KCNJ5: variants seen among roughly 807,000 people sequenced by gnomAD.
KCNJ5 encodes G protein-activated inward rectifier potassium channel 4.
Under a neutral mutation model 20.2 loss-of-function variants are expected in KCNJ5, and 12 were observed. The observed-to-expected ratio is 0.59, with a 90% CI of 0.38 to 0.96. The LOEUF (loss-of-function observed/expected upper bound fraction) is 0.96, where lower values mean the gene tolerates loss of function less well. Ranked by LOEUF, KCNJ5 falls within the 40% of genes least tolerant of loss-of-function variation. KCNJ5 has a pLI of 0.00. For synonymous variants in KCNJ5, 210 were observed against 213.9 expected (o/e 0.98, Z 0.16); for missense variants, 449 against 557.6 (o/e 0.81, Z 1.96).
At chr11:128,902,205 A>G (rs937537507) in intron 1 of KCNJ5, 9 of 334,278 alleles carry the variant, frequency 2.7e-5, no homozygotes, top group African/African-American at 1.7e-4. Flanking sequence ...ACACCTCTGC[A>G]GTCCCTTCCA....
chr11:128,906,200 T>C (rs1565548818), intron 1 of KCNJ5, among the ~76,000 whole-genome samples: 1 of 152,160 alleles, frequency 6.6e-6, no homozygotes, highest in Non-Finnish European at 1.5e-5. Context: ...GTTATCCCCA[T>C]TTTGCAAATA....
chr11:128,916,664 C>A lies in KCNJ5; in HGVS notation c.1193C>A (p.Ala398Asp). The A allele has an allele frequency of 6.2e-7, 1 of 1,612,618 alleles. No homozygotes were observed. Among genetic ancestry groups the A allele is most frequent in the Non-Finnish European group, 8.5e-7 (1 of 1,179,458 alleles). The change falls in exon 3 of 3, where the codon GCT becomes GAT. Residue 398 changes from alanine (A) to aspartate (D), a missense_variant. Ala to Asp is a moderately radical substitution (Grantham distance 126, BLOSUM62 -2). Coordinates refer to ENST00000529694, the MANE Select transcript of KCNJ5 (RefSeq NM_000890.5). The part of the protein sequence containing the change: ...GCAEAGLDAE[A>D]EQNEEDEPKG... ...GCTGAGGCAGGGCTGGATGCAGAGG[C>A]TGAGCAGAATGAAGAAGATGAGCCC...
At chr11:128,914,073 A>G (rs965090127) in intron 2 of KCNJ5, among the ~76,000 whole-genome samples, 2 of 152,312 alleles carry the variant, frequency 1.3e-5, no homozygotes, top group South Asian at 2.1e-4. Flanking sequence ...GGGGCCGAGG[A>G]CAGTCAGGAC....
At chr11:128,905,209 G>A (rs553168934) in intron 1 of KCNJ5, among the ~76,000 whole-genome samples, 2 of 152,140 alleles carry the variant, frequency 1.3e-5, no homozygotes, top group East Asian at 1.9e-4. Context: ...CCCCACGCCC[G>A]TTCCCTGGGG....
chr11:128,891,669 G>C lies in KCNJ5; in HGVS notation c.-63G>C, dbSNP rs557063967. ...CTGAGCCCCCCTGCACCGCCGCTAAGGGACACCCCAGAAGTTAGCATCAGT... is the reference window on the plus strand; with the variant it reads ...CTGAGCCCCCCTGCACCGCCGCTAACGGACACCCCAGAAGTTAGCATCAGT... On this transcript the variant is annotated 5_prime_UTR_variant, in exon 1 of 3. Coordinates refer to ENST00000529694, the MANE Select transcript of KCNJ5 (RefSeq NM_000890.5). 60 of 152,408 alleles carry C rather than the reference G, an allele frequency of 3.9e-4. No individual in the cohort carries two copies. Among genetic ancestry groups the C allele is most frequent in the African/African-American group, 1.3e-3 (53 of 41,544 alleles). 9.4% of individuals were successfully genotyped at this position (152,408 alleles called of 1,614,324 possible). A position where few individuals can be genotyped will look rare whatever the true frequency, so the allele number is the denominator to read the frequency against.
At chr11:128,914,932 G>T (rs1944555379) in intron 2 of KCNJ5, among the ~76,000 whole-genome samples, 1 of 152,224 alleles carries the variant, frequency 6.6e-6, no homozygotes, top group Non-Finnish European at 1.5e-5. Context: ...CTCTGCCAAG[G>T]CTGTGGGGAC....
At chr11:128,894,430 T>G (rs1000059984) in intron 1 of KCNJ5, among the ~76,000 whole-genome samples, 1 of 152,198 alleles carries the variant, frequency 6.6e-6, no homozygotes, top group African/African-American at 2.4e-5. Flanking sequence ...GGGCCATTTT[T>G]GGATGAAAAT....
In KCNJ5 at chr11:128,904,387, T is replaced by G. The variant is rs757496444; in HGVS notation, c.-10-6877T>G. 5.0e-6 allele frequency: 8 copies of G among 1,611,168 alleles called. No homozygotes were observed. The East Asian group carries it at 1.8e-4, about 36-fold the overall frequency. On this transcript the variant is annotated intron_variant, in intron 1 of 2. Coordinates refer to ENST00000529694, the MANE Select transcript of KCNJ5 (RefSeq NM_000890.5). ...GTGTACTCCCCACCAGACCAGGAAC[T>G]CCTTGCGGACAGAGAACGCATCAAG...
At chr11:128,914,120 G>T (rs985071232) in intron 2 of KCNJ5, among the ~76,000 whole-genome samples, 1 of 151,048 alleles carries the variant, frequency 6.6e-6, no homozygotes, top group African/African-American at 2.4e-5. Context: ...GGGGCTTGCA[G>T]GTCACCCTGC....
rs117776450 is a variant in KCNJ5, at chr11:128,893,214, C to T, written c.-11+1493C>T. ...TGGTATTTTAAACTATCTATGGACC[C>T]CACCTGAGATGGCACCATTCTGCCT... On this transcript the variant is annotated intron_variant, in intron 1 of 2. Transcript: ENST00000529694. Among the ~76,000 whole-genome samples, 1,074 of 152,270 alleles carry T rather than the reference C, an allele frequency of 7.1e-3. 8 individuals are homozygous for T. The highest frequency in any genetic ancestry group is 0.01 in the Non-Finnish European group (701 of 68,006).
intron 1 of KCNJ5, among the ~76,000 whole-genome samples, chr11:128,896,190 T>C (rs1357512568): frequency 6.8e-6 from 1 of 147,210 alleles, no homozygotes; most frequent in East Asian, 2.0e-4. Flanking sequence ...ACTCAATCTC[T>C]TTGTCTGCTG....
At chr11:128,902,256 C>T (rs958704624) in intron 1 of KCNJ5, 9 of 458,508 alleles carry the variant, frequency 2.0e-5, no homozygotes, top group African/African-American at 9.9e-5. Context: ...ATTACATCGG[C>T]GCCAGGAACC....
At chr11:128,891,766 G>A (rs1241933685) in intron 1 of KCNJ5, 45 bp downstream of exon 1, 2 of 152,364 alleles carry the variant, frequency 1.3e-5, no homozygotes. Flanking sequence ...CCAGCTCGCG[G>A]GTTCTGGAGG....
chr11:128,902,201 C>G, intron 1 of KCNJ5: 1 of 329,768 alleles, frequency 3.0e-6, no homozygotes, highest in Admixed American at 4.5e-5. Context: ...TCGCACACCT[C>G]TGCAGTCCCT....
At position 128,911,909 on chromosome 11, in the gene KCNJ5, C is replaced by T. The variant is rs749425133; in HGVS notation, c.636C>T (p.Asp212=). 21 of 1,605,340 alleles carry T rather than the reference C, an allele frequency of 1.3e-5. No homozygotes were observed. The highest frequency in any genetic ancestry group is 6.6e-5 in the South Asian group (6 of 90,338). ...FSNNAVISMR[D]EKLCLMFRVG... is the part of the protein sequence containing the mutation. ...ACAACGCAGTCATCTCCATGCGGGA[C>T]GAGAAGCTGTGCCTCATGTTCCGGG... is the stretch of plus-strand genomic sequence containing the variant. Residue 212 remains aspartate (D), a synonymous_variant, in exon 2 of 3, where the codon GAC becomes GAT. Coordinates refer to ENST00000529694, the MANE Select transcript of KCNJ5 (RefSeq NM_000890.5). This position sits in a 1 kb window ranked among gnomAD's most constrained non-coding sequence, Gnocchi z 6.3.
At chr11:128,905,545 C>T (rs1187390856) in intron 1 of KCNJ5, 3 of 152,282 alleles carry the variant, frequency 2.0e-5, no homozygotes, top group Non-Finnish European at 1.5e-5. Flanking sequence ...TCCCCCGTCC[C>T]AACCTCCTCC....
At chr11:128,909,554 C>T in intron 1 of KCNJ5, among the ~76,000 whole-genome samples, 1 of 152,216 alleles carries the variant, frequency 6.6e-6, no homozygotes, top group East Asian at 1.9e-4. Flanking sequence ...CAAGGTTGGG[C>T]TAATTCCTAC....
In KCNJ5 at chr11:128,911,117, G is replaced by C; in HGVS notation, c.-10-147G>C. On this transcript the variant is annotated intron_variant, in intron 1 of 2. Coordinates refer to ENST00000529694, the MANE Select transcript of KCNJ5 (RefSeq NM_000890.5). This position sits in a 1 kb window ranked among gnomAD's most constrained non-coding sequence, Gnocchi z 6.3. The stretch of plus-strand genomic sequence containing the variant: ...ACAAAAGAACCCTATAAGAGAGTGA[G>C]GCCCCTGCCCTTGAGGATTTCACGC... 1.5e-6 allele frequency: 1 copy of C among 682,436 alleles called. No individual in the cohort carries two copies. Among genetic ancestry groups the C allele is most frequent in the Non-Finnish European group, 2.6e-6 (1 of 381,788 alleles). The allele number at this position is 682,436 out of a possible 1,614,324, so 42.3% of individuals were successfully genotyped here. A position where few individuals can be genotyped will look rare whatever the true frequency, so the allele number is the denominator to read the frequency against.
chr11:128,912,017 G>A lies in KCNJ5; in HGVS notation c.744G>A (p.Glu248=), dbSNP rs144040058. Residue 248 remains glutamate, a synonymous_variant, in exon 2 of 3, where the codon GAG becomes GAA. Transcript: ENST00000529694. ...AGTCCCGGCAGACCAAAGAGGGGGA[G>A]TTCATCCCCCTGAACCAGACAGACA... ...LIKSRQTKEG[E]FIPLNQTDIN... 78 of 1,611,430 alleles carry A rather than the reference G, an allele frequency of 4.8e-5. No homozygotes were observed. The African/African-American group carries it at 8.8e-4, about 18-fold the overall frequency.
Sources: gnomAD v4.1 joint callset for allele counts (sites outside exome capture counted in the v4.1 genomes callset) on GRCh38, gnomAD v4.1.1 for gene constraint, Gnocchi (gnomAD v3.1) non-coding constraint, MANE v1.5 for transcripts, NCBI Gene and HGNC (gene_info 2026-07-23, HGNC 2026-07-21) for gene names.